OCA2: variants seen among roughly 807,000 people sequenced by gnomAD.
OCA2 encodes P protein.
A neutral mutation model predicts 100.2 loss-of-function variants in OCA2; 77 were observed. That is an observed-to-expected ratio of 0.77 (90% CI 0.64 to 0.93). The LOEUF is 0.93. Ranked by LOEUF, OCA2 falls within the 40% of genes least tolerant of loss-of-function variation. OCA2 has a pLI of 0.00. For synonymous variants in OCA2, 432 were observed against 439.2 expected (o/e 0.98, Z 0.21); for missense variants, 1,062 against 1,089.1 (o/e 0.98, Z 0.35).
intron 19 of OCA2, among the ~76,000 whole-genome samples, chr15:27,909,236 TGAAA>T (rs753812517): frequency 6.6e-6 from 1 of 152,198 alleles, no homozygotes; most frequent in Non-Finnish European, 1.5e-5. Flanking sequence ...AAAACATTCC[TGAAA>T]GACACAGAAG....
At chr15:27,915,359 T>C (rs570006965) in intron 19 of OCA2, among the ~76,000 whole-genome samples, 13 of 152,202 alleles carry the variant, frequency 8.5e-5, no homozygotes, top group Admixed American at 8.5e-4. Context: ...AGTTGACAAA[T>C]GGGGCCTCAT....
chr15:28,041,855 C>T (rs2043210447), intron 2 of OCA2, among the ~76,000 whole-genome samples: 1 of 152,220 alleles, frequency 6.6e-6, no homozygotes, highest in African/African-American at 2.4e-5. Context: ...AAAACCAAGA[C>T]ACACTGAAGA....
chr15:27,893,059 A>C (rs1029131327), intron 19 of OCA2, among the ~76,000 whole-genome samples: 3 of 152,230 alleles, frequency 2.0e-5, no homozygotes, highest in Admixed American at 1.3e-4. Context: ...TTGAATTATT[A>C]ATTTGAAAGT....
At chr15:27,787,507 T>G (rs953144272) in intron 23 of OCA2, among the ~76,000 whole-genome samples, 1 of 152,074 alleles carries the variant, frequency 6.6e-6, no homozygotes, top group African/African-American at 2.4e-5. Context: ...AGCCATTTTA[T>G]CTAAGTTGTC....
chr15:27,823,525 T>C (rs767390383), intron 23 of OCA2, among the ~76,000 whole-genome samples: 4 of 152,238 alleles, frequency 2.6e-5, no homozygotes, highest in Non-Finnish European at 4.4e-5. Flanking sequence ...GTTTACCTCA[T>C]GCTAAAACAA....
chr15:27,831,720 G>A (rs1036916512), intron 23 of OCA2, among the ~76,000 whole-genome samples: 1 of 152,192 alleles, frequency 6.6e-6, no homozygotes, highest in South Asian at 2.1e-4. Flanking sequence ...CCCATGCAGG[G>A]AGAGGCAGAG....
Position 27,871,144 on chromosome 15 carries a change from T to C in OCA2, c.2244+10A>G, listed in dbSNP as rs944124136. 5 of 1,603,506 alleles carry C rather than the reference T, an allele frequency of 3.1e-6. No individual in the cohort carries two copies. Among genetic ancestry groups the C allele is most frequent in the Non-Finnish European group, 2.6e-6 (3 of 1,170,294 alleles). ...AAGTTGAGCCGTCGACATGGACATG[T>C]GCAACTCACCATGGTAGCAGTGAAC... On this transcript the variant is annotated intron_variant, in intron 21 of 23. Coordinates refer to ENST00000354638, the MANE Select transcript of OCA2 (RefSeq NM_000275.3).
rs145577954 is a variant in OCA2 at position 27,844,948 on chromosome 15, T to C, written c.2432+11A>G. On this transcript the variant is annotated intron_variant, in intron 23 of 23. Transcript: ENST00000354638. ...AGTTTAACAGAAAATTTAAAGGGAA[T>C]TTAAAAGTACCTGAAAAATTCCATG... 3.5e-4 allele frequency: 564 copies of C among 1,590,956 alleles called. 9 individuals carry two copies. The East Asian group carries it at 0.012, about 35-fold the overall frequency.
chr15:27,913,199 C>T (rs534010368), intron 19 of OCA2, among the ~76,000 whole-genome samples: 8 of 151,962 alleles, frequency 5.3e-5, no homozygotes, highest in Admixed American at 5.2e-4. Flanking sequence ...TAGTAATATT[C>T]TACTAATGTT....
At chr15:28,078,483 G>T (rs147563478) in intron 2 of OCA2, among the ~76,000 whole-genome samples, 14 of 152,202 alleles carry the variant, frequency 9.2e-5, no homozygotes, top group Non-Finnish European at 1.8e-4. Context: ...ACTATCCCTT[G>T]TGCCTGCCCA....
intron 5 of OCA2, 119 bp from the exon 6 acceptor site, chr15:28,022,692 G>C (rs371336034): frequency 6.7e-6 from 5 of 744,534 alleles, no homozygotes; most frequent in Middle Eastern, 2.2e-4. Flanking sequence ...CATCCAGTAC[G>C]CGCCAGCTTA....
At chr15:28,070,650 G>T (rs1162353010) in intron 2 of OCA2, among the ~76,000 whole-genome samples, 11 of 147,292 alleles carry the variant, frequency 7.5e-5, no homozygotes, top group African/African-American at 2.8e-4. Context: ...CCACCACCCC[G>T]TCTGGGAGGT....
chr15:27,843,109 G>A (rs2035402878), intron 23 of OCA2, among the ~76,000 whole-genome samples: 1 of 152,154 alleles, frequency 6.6e-6, no homozygotes, highest in East Asian at 1.9e-4. Flanking sequence ...AACTGGTGTT[G>A]CAAAAAGCCA....
chr15:27,866,622 G>A (rs1446273310), intron 21 of OCA2, among the ~76,000 whole-genome samples: 7 of 152,194 alleles, frequency 4.6e-5, no homozygotes, highest in African/African-American at 1.4e-4. Context: ...CCAGACAGCT[G>A]CAGACACTCT....
intron 21 of OCA2, among the ~76,000 whole-genome samples, chr15:27,868,890 A>T (rs191311965): frequency 3.3e-5 from 5 of 152,324 alleles, no homozygotes; most frequent in Admixed American, 2.0e-4. Flanking sequence ...ACAGCTTTTT[A>T]AAAAATGTGG....
At chr15:27,854,328 C>T (rs949256984) in intron 21 of OCA2, among the ~76,000 whole-genome samples, 8 of 152,168 alleles carry the variant, frequency 5.3e-5, no homozygotes, top group Non-Finnish European at 1.0e-4. Flanking sequence ...GCAGCCAGGC[C>T]GCTGACCCAT....
In OCA2 at chr15:28,087,371, C is replaced by T. The variant is rs75758325; in HGVS notation, c.-21-5476G>A. Among the ~76,000 whole-genome samples, 32 of 152,150 alleles carry T rather than the reference C, an allele frequency of 2.1e-4. No homozygotes were observed. In the East Asian group the frequency reaches 5.8e-3, roughly 28 times the overall value. The stretch of plus-strand genomic sequence containing the variant: ...AAAAATTTATTGCCAGCAGACCTAC[C>T]CTGAAAGAATGGCTACAGGAAGTTC... On this transcript the variant is annotated intron_variant, in intron 1 of 23. Coordinates refer to ENST00000354638, the MANE Select transcript of OCA2 (RefSeq NM_000275.3).
intron 1 of OCA2, among the ~76,000 whole-genome samples, chr15:28,093,829 A>G (rs1022412327): frequency 4.6e-5 from 7 of 152,308 alleles, no homozygotes; most frequent in Non-Finnish European, 1.0e-4. Context: ...AGTGAAAAAA[A>G]GCAAGTTCCA....
At chr15:28,061,881 G>C (rs1212483752) in intron 2 of OCA2, among the ~76,000 whole-genome samples, 1 of 152,192 alleles carries the variant, frequency 6.6e-6, no homozygotes, top group Non-Finnish European at 1.5e-5. Flanking sequence ...GTTTATCCAA[G>C]TGGTAGCACA....
Sources: gnomAD v4.1 joint callset for allele counts (sites outside exome capture counted in the v4.1 genomes callset) on GRCh38, gnomAD v4.1.1 for gene constraint, MANE v1.5 for transcripts, NCBI Gene and HGNC (gene_info 2026-07-23, HGNC 2026-07-21) for gene names.